The following BANK1 variants were observed in gnomAD, a reference collection of about 807,000 sequenced individuals.
BANK1 encodes B cell scaffold protein with ankyrin repeats 1.
Under a neutral mutation model 94.5 loss-of-function variants are expected in BANK1, and 95 were observed. The ratio of observed to expected loss-of-function variants is 1.00; its 90% CI spans 0.85 to 1.19. The LOEUF (loss-of-function observed/expected upper bound fraction) is 1.19. Among genes scored for constraint, BANK1 ranks in the 50% most tolerant of loss-of-function variants. BANK1 has a pLI of 0.00. For missense variants in BANK1, 987 were observed against 932.2 expected, an observed-to-expected ratio of 1.06 and a Z score of -0.77; for synonymous variants, 334 against 308.4, an observed-to-expected ratio of 1.08 and a Z score of -0.87.
At chr4:101,809,202 T>A (rs977359608) in intron 1 of BANK1, among the ~76,000 whole-genome samples, 1 of 152,046 alleles carries the variant, frequency 6.6e-6, no homozygotes, top group Non-Finnish European at 1.5e-5. Context: ...TCCAGCAAAC[T>A]CGATGGAGCT....
intron 7 of BANK1, among the ~76,000 whole-genome samples, chr4:101,953,039 C>A (rs1443837894): frequency 6.6e-6 from 1 of 152,054 alleles, no homozygotes; most frequent in East Asian, 1.9e-4. Flanking sequence ...ATAGAGGACA[C>A]CCTACACCTA....
At chr4:102,065,825 G>A (rs1728573447) in intron 13 of BANK1, among the ~76,000 whole-genome samples, 1 of 151,968 alleles carries the variant, frequency 6.6e-6, no homozygotes, top group African/African-American at 2.4e-5. Context: ...CAAATTAAGA[G>A]TTAGTAAACA....
chr4:101,825,388 G>A (rs1726324249), intron 1 of BANK1, among the ~76,000 whole-genome samples: 1 of 152,052 alleles, frequency 6.6e-6, no homozygotes, highest in Admixed American at 6.6e-5. Context: ...GGGGTCTGTG[G>A]TCCTAGATAT....
At chr4:101,804,392 G>A (rs867062397) in intron 1 of BANK1, among the ~76,000 whole-genome samples, 3 of 152,160 alleles carry the variant, frequency 2.0e-5, no homozygotes, top group African/African-American at 7.2e-5. Context: ...GTCTGTCTAG[G>A]AAATTACATA....
In BANK1 at chr4:102,060,461, T is replaced by G. The variant is rs535995773; in HGVS notation, c.2148+72T>G. On this transcript the variant is annotated intron_variant, in intron 12 of 16. Transcript: ENST00000322953. ...CCCCTAGTTTGTTAATGTTTAATTT[T>G]CATGAGGAATACAGGTAACTGTTCT... 5.7e-5 allele frequency: 85 copies of G among 1,481,260 alleles called. 2 individuals carry two copies. In the South Asian group the frequency reaches 7.7e-4, roughly 13 times the overall value. 91.8% of individuals were successfully genotyped at this position (1,481,260 alleles called of 1,614,324 possible).
chr4:101,934,375 C>T (rs192824121), intron 7 of BANK1, among the ~76,000 whole-genome samples: 6 of 151,052 alleles, frequency 4.0e-5, no homozygotes, highest in African/African-American at 1.5e-4. Flanking sequence ...TAAGAAGCTA[C>T]GATGAGAAAC....
chr4:101,813,941 A>G (rs1240823850), intron 1 of BANK1: 7 of 960,158 alleles, frequency 7.3e-6, no homozygotes, highest in South Asian at 4.8e-5. Context: ...TTGTTTTGGT[A>G]TGTATATATC....
intron 13 of BANK1, among the ~76,000 whole-genome samples, chr4:102,065,315 G>GCTGA (rs975366098): frequency 3.3e-5 from 5 of 152,118 alleles, no homozygotes; most frequent in Admixed American, 1.3e-4. Flanking sequence ...GAGTTTGTAG[G>GCTGA]CTGACTGAAT....
At chr4:101,800,164 G>A in intron 1 of BANK1, among the ~76,000 whole-genome samples, 1 of 150,246 alleles carries the variant, frequency 6.7e-6, no homozygotes. Context: ...ATAGCATTAG[G>A]AGATATATCT....
At chr4:101,808,398 A>C (rs1725631874) in intron 1 of BANK1, among the ~76,000 whole-genome samples, 1 of 152,190 alleles carries the variant, frequency 6.6e-6, no homozygotes, top group Non-Finnish European at 1.5e-5. Context: ...TTTCCAGTTG[A>C]TAAAAGTAAA....
At chr4:101,922,055 T>A (rs796418345) in intron 7 of BANK1, among the ~76,000 whole-genome samples, 67 of 144,238 alleles carry the variant, frequency 4.6e-4, no homozygotes, top group African/African-American at 1.4e-3. Flanking sequence ...TGTGTGTGTG[T>A]GAGACAGAGA....
chr4:102,047,838 C>A (rs1448118608), intron 11 of BANK1, among the ~76,000 whole-genome samples: 2 of 151,854 alleles, frequency 1.3e-5, no homozygotes, highest in Non-Finnish European at 2.9e-5. Flanking sequence ...CAAGGAAGGG[C>A]TGCTAGTATC....
Position 102,005,342 on chromosome 4 carries a change from G to A in BANK1, c.1207-16172G>A, listed in dbSNP as rs534069900. ...ATGATTAAAAAATTATAAAATAAAT[G>A]CATGAACAAAGAAGATGCTACTTGT... On this transcript the variant is annotated intron_variant, in intron 7 of 16. Coordinates refer to ENST00000322953, the MANE Select transcript of BANK1 (RefSeq NM_017935.5). 4.6e-5 allele frequency among the ~76,000 whole-genome samples: 7 copies of A among 152,072 alleles called. No homozygotes were observed. The South Asian group carries it at 1.0e-3, about 23-fold the overall frequency.
intron 5 of BANK1, among the ~76,000 whole-genome samples, chr4:101,877,808 C>T (rs573329039): frequency 3.9e-5 from 6 of 152,036 alleles, no homozygotes; most frequent in African/African-American, 1.4e-4. Flanking sequence ...TTGCTTGAAC[C>T]CAGGAGGCAG....
chr4:101,860,110 A>T (rs1727812331), intron 3 of BANK1, among the ~76,000 whole-genome samples: 1 of 152,226 alleles, frequency 6.6e-6, no homozygotes, highest in African/African-American at 2.4e-5. Flanking sequence ...GGGGATATAG[A>T]AGGAGAAAAG....
intron 5 of BANK1, among the ~76,000 whole-genome samples, chr4:101,884,888 G>A (rs1286194831): frequency 1.3e-5 from 2 of 152,002 alleles, no homozygotes; most frequent in African/African-American, 2.4e-5. Flanking sequence ...AGTCTGGAAG[G>A]TTTTTGTTTG....
rs541469042 is a variant in BANK1, at chr4:102,024,405, GT to G, written c.1286-790del. Among the ~76,000 whole-genome samples, 1,494 of 152,068 alleles carry G rather than the reference GT, an allele frequency of 9.8e-3. 15 individuals carry two copies. Among genetic ancestry groups the G allele is most frequent in the Non-Finnish European group, 0.016 (1,114 of 67,966 alleles). On this transcript the variant is annotated intron_variant, in intron 8 of 16. Coordinates refer to ENST00000322953, the MANE Select transcript of BANK1 (RefSeq NM_017935.5). The stretch of plus-strand genomic sequence containing the variant: ...TTTTTATAAAGAAAATTTAATAAAA[GT>G]TTTTTCTGAAGATTTAAAGTCATTG...
At chr4:101,948,806 T>C (rs1322227841) in intron 7 of BANK1, among the ~76,000 whole-genome samples, 2 of 152,074 alleles carry the variant, frequency 1.3e-5, no homozygotes, top group Non-Finnish European at 2.9e-5. Flanking sequence ...TTTTTATGAG[T>C]TCTTGGGTCC....
intron 7 of BANK1, among the ~76,000 whole-genome samples, chr4:101,928,345 AGAG>A (rs1415702792): frequency 2.6e-5 from 4 of 151,784 alleles, no homozygotes; most frequent in African/African-American, 7.2e-5. Flanking sequence ...AAGAAAATGT[AGAG>A]GAGGAGACAA....
Sources: allele counts gnomAD v4.1 joint callset (sites outside exome capture counted in the v4.1 genomes callset), GRCh38; gene constraint gnomAD v4.1.1; transcripts MANE v1.5; gene names NCBI Gene and HGNC (gene_info 2026-07-23, HGNC 2026-07-21).